The following GINS1 variants were observed in gnomAD, a reference collection of about 807,000 sequenced individuals.
The protein encoded by GINS1 is DNA replication complex GINS protein PSF1.
GINS1 carries 26 observed loss-of-function variants against 34.9 expected under a neutral mutation model. That is an observed-to-expected ratio of 0.74 (90% CI 0.55 to 1.03). The LOEUF is 1.03. GINS1 is among the 50% of genes least tolerant of loss of function. The probability of loss-of-function intolerance (pLI) is 0.00; values close to 1 mark genes in which losing one functional copy is unlikely to be tolerated. For missense variants in GINS1, 235 were observed against 237.9 expected, an observed-to-expected ratio of 0.99 and a Z score of 0.08; for synonymous variants, 97 against 84.4, an observed-to-expected ratio of 1.15 and a Z score of -0.82.
rs946360641 is a variant in GINS1 at position 25,448,440 on chromosome 20, A to G, written c.*2449A>G. 5.3e-5 allele frequency: 8 copies of G among 152,248 alleles called. No individual in the cohort carries two copies. The highest frequency in any genetic ancestry group is 1.7e-4 in the African/African-American group (7 of 41,454). 9.4% of individuals were successfully genotyped at this position (152,248 alleles called of 1,614,324 possible). ...AACCACTTGTTGCTAGTAAATAGAA[A>G]TACAATTGATGTTGAACTTGTATCC... On this transcript the variant is annotated 3_prime_UTR_variant, in exon 7 of 7. Transcript: ENST00000262460.
chr20:25,423,430 G>T (rs1422723742), intron 4 of GINS1, among the ~76,000 whole-genome samples: 7 of 105,276 alleles, frequency 6.6e-5, no homozygotes, highest in East Asian at 3.6e-4. Context: ...GGTTATTAAG[G>T]TTATTAAGAT....
chr20:25,408,845 A>G, intron 1 of GINS1: 1 of 880,180 alleles, frequency 1.1e-6, no homozygotes. Flanking sequence ...CAGAGCCTGC[A>G]CTCTAAATTG....
chr20:25,428,166 C>A (rs1232705606), intron 5 of GINS1, among the ~76,000 whole-genome samples: 1 of 152,018 alleles, frequency 6.6e-6, no homozygotes, highest in Non-Finnish European at 1.5e-5. Context: ...AGCCATCGCA[C>A]CCGGCCAATT....
intron 4 of GINS1, among the ~76,000 whole-genome samples, chr20:25,422,693 A>T (rs1293230875): frequency 6.6e-6 from 1 of 152,212 alleles, no homozygotes; most frequent in Non-Finnish European, 1.5e-5. Flanking sequence ...TTCATGCAGT[A>T]TCCTTTAATG....
intron 2 of GINS1, 134 bp from the exon 3 acceptor site, chr20:25,416,970 T>C: frequency 1.8e-6 from 1 of 545,182 alleles, no homozygotes; most frequent in South Asian, 2.5e-5. Context: ...TACAAATAGT[T>C]ATTATTTGCT....
intron 4 of GINS1, among the ~76,000 whole-genome samples, chr20:25,423,024 G>A: frequency 6.6e-6 from 1 of 151,996 alleles, no homozygotes; most frequent in Non-Finnish European, 1.5e-5. Context: ...TGGTCCACCT[G>A]CCCCAGCCTC....
intron 5 of GINS1, among the ~76,000 whole-genome samples, chr20:25,432,559 C>T (rs1359483393): frequency 6.6e-6 from 1 of 151,978 alleles, no homozygotes; most frequent in East Asian, 1.9e-4. Context: ...CTCCATCTCC[C>T]GAGTTCAAGC....
chr20:25,433,472 A>C (rs2146214800), intron 5 of GINS1, among the ~76,000 whole-genome samples: 1 of 152,314 alleles, frequency 6.6e-6, no homozygotes, highest in African/African-American at 2.4e-5. Context: ...TAGATTACTT[A>C]CAATACCTTA....
At chr20:25,428,904 G>A (rs545380626) in intron 5 of GINS1, among the ~76,000 whole-genome samples, 4 of 149,540 alleles carry the variant, frequency 2.7e-5, no homozygotes, top group African/African-American at 7.4e-5. Flanking sequence ...GTAGTATTTC[G>A]ATTGTTGTAG....
Position 25,446,073 on chromosome 20 carries a change from C to T in GINS1, c.*82C>T. 2 of 697,220 alleles carry T rather than the reference C, an allele frequency of 2.9e-6. No individual in the cohort carries two copies. Among genetic ancestry groups the T allele is most frequent in the East Asian group, 2.6e-5 (1 of 38,264 alleles). 43.2% of individuals were successfully genotyped at this position (697,220 alleles called of 1,614,324 possible). A position where few individuals can be genotyped will look rare whatever the true frequency, so the allele number is the denominator to read the frequency against. On this transcript the variant is annotated 3_prime_UTR_variant, in exon 7 of 7. Transcript: ENST00000262460. ...TCTCTCCACCACTCCCTTCACCTCCCTCTTTGATTTTAGAAGCTATAGACA... is the reference window on the plus strand; with the variant it reads ...TCTCTCCACCACTCCCTTCACCTCCTTCTTTGATTTTAGAAGCTATAGACA...
In GINS1 at chr20:25,443,476, C is replaced by CTT. The variant is rs11482627; in HGVS notation, c.522+1718_522+1719dup. ...CAAATGCTGTCCTGTGGTTGAATTT[C>CTT]TTTTTTTTTTTTTTTTTTTGAGACA... On this transcript the variant is annotated intron_variant, in intron 6 of 6. Coordinates refer to ENST00000262460, the MANE Select transcript of GINS1 (RefSeq NM_021067.5). 8.7e-3 allele frequency among the ~76,000 whole-genome samples: 1,090 copies of CTT among 124,700 alleles called. 27 individuals are homozygous for CTT. Among genetic ancestry groups the CTT allele is most frequent in the East Asian group, 0.036 (156 of 4,330 alleles). The allele number at this position is 124,700 out of a possible 152,430, so 81.8% of individuals were successfully genotyped here.
Position 25,446,026 on chromosome 20 carries a change from T to C in GINS1, c.*35T>C. 1 of 1,249,384 alleles carries C rather than the reference T, an allele frequency of 8.0e-7. No homozygotes were observed. Among genetic ancestry groups the C allele is most frequent in the Non-Finnish European group, 1.2e-6 (1 of 853,406 alleles). 77.4% of individuals were successfully genotyped at this position (1,249,384 alleles called of 1,614,324 possible). ...GAGGCACTTCCAGGCTTCACTCAAC[T>C]CATGGACTCCTCTGTACTCACTCTC... On this transcript the variant is annotated 3_prime_UTR_variant, in exon 7 of 7. Coordinates refer to ENST00000262460, the MANE Select transcript of GINS1 (RefSeq NM_021067.5).
intron 2 of GINS1, among the ~76,000 whole-genome samples, chr20:25,415,707 A>T (rs1388431743): frequency 1.3e-5 from 2 of 150,310 alleles, no homozygotes; most frequent in East Asian, 1.9e-4. Context: ...AAAAAAAAAG[A>T]TGCCTGTCCC....
chr20:25,427,216 A>T (rs767148816), intron 5 of GINS1, among the ~76,000 whole-genome samples: 52 of 152,094 alleles, frequency 3.4e-4, no homozygotes, highest in Non-Finnish European at 7.2e-4. Context: ...CCCAGGCTGG[A>T]TGCAGTGGCG....
At chr20:25,434,433 A>T (rs2090443083) in intron 5 of GINS1, among the ~76,000 whole-genome samples, 1 of 131,388 alleles carries the variant, frequency 7.6e-6, no homozygotes, top group African/African-American at 2.9e-5. Context: ...TTTCTAACGA[A>T]CAGTAATTTT....
At chr20:25,428,134 A>G (rs188240666) in intron 5 of GINS1, among the ~76,000 whole-genome samples, 27 of 152,100 alleles carry the variant, frequency 1.8e-4, no homozygotes, top group African/African-American at 3.1e-4. Context: ...TGGCCTCCCA[A>G]AGTGCAGGGA....
At chr20:25,422,984 T>G (rs1471738353) in intron 4 of GINS1, among the ~76,000 whole-genome samples, 1 of 151,830 alleles carries the variant, frequency 6.6e-6, no homozygotes, top group Non-Finnish European at 1.5e-5. Flanking sequence ...TCCATGTTGG[T>G]CAGGCTGGTC....
intron 1 of GINS1, chr20:25,409,127 T>A (rs1486944639): frequency 1.6e-6 from 1 of 638,790 alleles, no homozygotes; most frequent in African/African-American, 2.0e-5. Flanking sequence ...GTGGTCACAC[T>A]GGAGAGGGTG....
chr20:25,413,746 GGTGGGGAAATCA>G (rs761480209), intron 1 of GINS1, 32 bp from the exon 2 acceptor site: 3 of 1,071,734 alleles, frequency 2.8e-6, no homozygotes. Flanking sequence ...CCACAGAATT[GGTGGGGAAATCA>G]GTGGATTTCA....
Sources: gnomAD v4.1 joint callset for allele counts (sites outside exome capture counted in the v4.1 genomes callset) on GRCh38, gnomAD v4.1.1 for gene constraint, MANE v1.5 for transcripts, NCBI Gene and HGNC (gene_info 2026-07-23, HGNC 2026-07-21) for gene names.